Variants in PDGFA observed in about 807,000 individuals in gnomAD.
PDGFA encodes platelet-derived growth factor subunit A.
A neutral mutation model predicts 25.6 loss-of-function variants in PDGFA; 9 were observed. The observed-to-expected ratio is 0.35, with a 90% CI of 0.21 to 0.61. The LOEUF is 0.61. Ranked by LOEUF, PDGFA falls within the 20% of genes least tolerant of loss-of-function variation. The pLI, the probability that PDGFA is intolerant of heterozygous loss-of-function variation, is 0.75. For synonymous variants in PDGFA, 133 were observed against 111.8 expected (o/e 1.19, Z -1.20); for missense variants, 242 against 272.8 (o/e 0.89, Z 0.79).
At chr7:502,436 T>C (rs1424196886) in intron 4 of PDGFA, among the ~76,000 whole-genome samples, 5 of 151,996 alleles carry the variant, frequency 3.3e-5, no homozygotes, top group Non-Finnish European at 7.4e-5. Context: ...AGGCTCTCCT[T>C]GGGCTCGGAG....
intron 4 of PDGFA, among the ~76,000 whole-genome samples, chr7:505,687 G>A (rs1225919018): frequency 4.6e-5 from 7 of 152,192 alleles, no homozygotes; most frequent in Non-Finnish European, 4.4e-5. Flanking sequence ...AGAACACACA[G>A]CACAGACAAG....
intron 2 of PDGFA, among the ~76,000 whole-genome samples, chr7:515,139 G>T (rs1409176579): frequency 2.0e-5 from 3 of 152,184 alleles, no homozygotes; most frequent in Non-Finnish European, 4.4e-5. Flanking sequence ...TTCCTACAGC[G>T]TGGGCCTTAG....
chr7:519,430 G>GGCC (rs972270599), upstream of PDGFA: 75 of 160,728 alleles, frequency 4.7e-4, no homozygotes, highest in African/African-American at 1.1e-3. Context: ...GGGAGTCTGG[G>GGCC]GCCGCCGCCG....
chr7:499,926 A>G (rs906415043), intron 5 of PDGFA, among the ~76,000 whole-genome samples: 3 of 151,840 alleles, frequency 2.0e-5, no homozygotes, highest in African/African-American at 7.3e-5. Flanking sequence ...TCTTATCTCA[A>G]TCCCTGTGCT....
chr7:512,493 C>T, intron 2 of PDGFA, 38 bp from the exon 3 acceptor site: 1 of 1,612,816 alleles, frequency 6.2e-7, no homozygotes, highest in Non-Finnish European at 8.5e-7. Context: ...TGCCCCAGGC[C>T]CGTGCGCTGT....
At chr7:499,244 A>G (rs62433301) in intron 5 of PDGFA, among the ~76,000 whole-genome samples, 46,430 of 152,146 alleles carry the variant, frequency 0.31, 7,715 homozygotes, top group Middle Eastern at 0.45. Flanking sequence ...CCACACTTTC[A>G]GCAAACAAAG....
At chr7:516,124 C>T (rs989913928) in intron 2 of PDGFA, among the ~76,000 whole-genome samples, 1 of 146,290 alleles carries the variant, frequency 6.8e-6, no homozygotes, top group Non-Finnish European at 1.5e-5. Context: ...GAGCCAGATC[C>T]TTTTCCCTAG....
chr7:502,947 C>A (rs1053441978), intron 4 of PDGFA, among the ~76,000 whole-genome samples: 28 of 152,098 alleles, frequency 1.8e-4, no homozygotes, highest in African/African-American at 6.8e-4. Flanking sequence ...CACAGGGGCC[C>A]CATCGTGGGA....
chr7:515,480 G>C (rs1783047630), intron 2 of PDGFA, among the ~76,000 whole-genome samples: 1 of 152,190 alleles, frequency 6.6e-6, no homozygotes, highest in African/African-American at 2.4e-5. Flanking sequence ...CTCTGGTTCT[G>C]TTTTCAGCCA....
intron 2 of PDGFA, chr7:513,416 T>C (rs1782953955): frequency 6.2e-5 from 2 of 32,214 alleles, no homozygotes; most frequent in East Asian, 5.9e-4. Context: ...GTCCTGCCCA[T>C]GGACACACTG....
intron 4 of PDGFA, among the ~76,000 whole-genome samples, chr7:506,094 T>C (rs1380037361): frequency 6.7e-6 from 1 of 148,750 alleles, no homozygotes; most frequent in Non-Finnish European, 1.5e-5. Flanking sequence ...AAGAATTGCC[T>C]GAACCCGGGA....
At chr7:519,301 T>G in exon 1 of PDGFA, 16 of 300,456 alleles carry the variant, frequency 5.3e-5, no homozygotes, top group East Asian at 1.7e-4. Flanking sequence ...GCTGGGCTTC[T>G]TCCTCGGTGC....
intron 5 of PDGFA, among the ~76,000 whole-genome samples, chr7:499,477 G>T (rs1782229586): frequency 6.6e-6 from 1 of 152,234 alleles, no homozygotes; most frequent in Admixed American, 6.5e-5. Flanking sequence ...GGGGGAACCA[G>T]GCCAGACAGG....
intron 2 of PDGFA, among the ~76,000 whole-genome samples, chr7:514,099 C>T (rs1350751236): frequency 2.0e-5 from 3 of 152,240 alleles, no homozygotes; most frequent in South Asian, 2.1e-4. Context: ...ATAACACCAG[C>T]TCCCATTTTC....
upstream of PDGFA, chr7:520,199 C>T (rs977336236): frequency 8.6e-6 from 2 of 233,864 alleles, no homozygotes; most frequent in African/African-American, 4.8e-5. Context: ...CGGCTCGCCT[C>T]TCTCGGGCCC....
chr7:512,966 C>G (rs1444209918), intron 2 of PDGFA: 1 of 224,574 alleles, frequency 4.5e-6, no homozygotes, highest in Admixed American at 5.0e-5. Context: ...CTCCCCCTCA[C>G]TAAAGCACTC....
At chr7:506,037 G>C (rs142668873) in intron 4 of PDGFA, among the ~76,000 whole-genome samples, 1 of 152,182 alleles carries the variant, frequency 6.6e-6, no homozygotes, top group South Asian at 2.1e-4. Context: ...ATAGCCAGGC[G>C]TGGTGGTGAG....
Position 500,858 on chromosome 7 carries a change from A to T in PDGFA, c.580+258T>A. 6.5e-7 allele frequency: 1 copy of T among 1,537,362 alleles called. No individual in the cohort carries two copies. The highest frequency in any genetic ancestry group is 1.9e-5 in the Admixed American group (1 of 53,112). On this transcript the variant is annotated intron_variant, in intron 5 of 5. Transcript: ENST00000402802. This position sits in a 1 kb window ranked among gnomAD's most constrained non-coding sequence, Gnocchi z 5.0. The stretch of plus-strand genomic sequence containing the variant: ...TGAATTGGGTGTCTTATGCACTCCC[A>T]GCCCCTCTCAGTGAGACCTGAATCT...
chr7:500,963 A>T lies in PDGFA; in HGVS notation c.580+153T>A. The T allele has an allele frequency of 6.3e-7, 1 of 1,597,376 alleles. No homozygotes were observed. The highest frequency in any genetic ancestry group is 8.5e-7 in the Non-Finnish European group (1 of 1,178,390). ...TGTGGGATCCGTCTCCCCCGCAGGC[A>T]TCTGGCCCGGGAGCAGGGCAACGAA... On this transcript the variant is annotated intron_variant, in intron 5 of 5. Coordinates refer to ENST00000402802, the Ensembl canonical transcript of PDGFA. This position sits in a 1 kb window ranked among gnomAD's most constrained non-coding sequence, Gnocchi z 5.0.
Sources: allele counts gnomAD v4.1 joint callset (sites outside exome capture counted in the v4.1 genomes callset), GRCh38; gene constraint gnomAD v4.1.1; non-coding constraint Gnocchi (gnomAD v3.1); transcripts MANE v1.5; gene names NCBI Gene and HGNC (gene_info 2026-07-23, HGNC 2026-07-21).